PTPRJ: variants seen among roughly 807,000 people sequenced by gnomAD.
PTPRJ encodes the protein protein tyrosine phosphatase receptor type J, also known as receptor-type tyrosine-protein phosphatase eta.
A neutral mutation model predicts 141.3 loss-of-function variants in PTPRJ; 129 were observed. The ratio of observed to expected loss-of-function variants is 0.91; its 90% CI spans 0.79 to 1.06. PTPRJ has a LOEUF of 1.06. PTPRJ is among the 50% of genes least tolerant of loss of function. The pLI is 0.00. For synonymous variants in PTPRJ, 610 were observed against 640.5 expected (o/e 0.95, Z 0.72); for missense variants, 1,601 against 1,679.7 (o/e 0.95, Z 0.82).
intron 8 of PTPRJ, chr11:48,131,581 C>T (rs1856985363): frequency 5.3e-6 from 4 of 756,130 alleles, no homozygotes; most frequent in Non-Finnish European, 9.8e-6. Context: ...GCCCCTATGC[C>T]AAATTTGGCT....
chr11:47,985,569 C>T (rs974985518), intron 1 of PTPRJ, among the ~76,000 whole-genome samples: 1 of 152,306 alleles, frequency 6.6e-6, no homozygotes, highest in Admixed American at 6.5e-5. Context: ...TACTACGTGG[C>T]GGAGCCAGGG....
At chr11:48,070,445 G>A (rs1158900495) in intron 1 of PTPRJ, among the ~76,000 whole-genome samples, 1 of 149,932 alleles carries the variant, frequency 6.7e-6, no homozygotes, top group Admixed American at 6.7e-5. Context: ...AGGTTGCAGT[G>A]AGCTGAGATT....
chr11:48,072,694 G>A lies in PTPRJ; in HGVS notation c.97-37364G>A, dbSNP rs117470887. 3.4e-3 allele frequency among the ~76,000 whole-genome samples: 513 copies of A among 152,254 alleles called. 18 individuals are homozygous for A. The East Asian group carries it at 0.086, about 26-fold the overall frequency. The stretch of plus-strand genomic sequence containing the variant: ...TCATTGGCTTTTGTCCATTCCCAAC[G>A]CCAGTGATCTGTTTTTCTTGACTCT... On this transcript the variant is annotated intron_variant, in intron 1 of 24. Coordinates refer to ENST00000418331, the MANE Select transcript of PTPRJ (RefSeq NM_002843.4).
intron 1 of PTPRJ, among the ~76,000 whole-genome samples, chr11:47,987,417 G>A (rs1854079600): frequency 6.6e-6 from 1 of 152,192 alleles, no homozygotes; most frequent in African/African-American, 2.4e-5. Context: ...TTGTAAAGAT[G>A]ATCAGTTTCT....
intron 1 of PTPRJ, among the ~76,000 whole-genome samples, chr11:48,059,695 C>T (rs1854866490): frequency 6.6e-6 from 1 of 152,196 alleles, no homozygotes; most frequent in Non-Finnish European, 1.5e-5. Flanking sequence ...TGCACACTTC[C>T]ATAGGTCTTA....
At chr11:48,073,360 T>C (rs1385878221) in intron 1 of PTPRJ, among the ~76,000 whole-genome samples, 3 of 152,226 alleles carry the variant, frequency 2.0e-5, no homozygotes, top group Non-Finnish European at 4.4e-5. Flanking sequence ...TGACCTTGTT[T>C]AGCAGATGCT....
intron 7 of PTPRJ, among the ~76,000 whole-genome samples, chr11:48,129,208 A>G (rs1054128258): frequency 1.2e-4 from 19 of 152,226 alleles, no homozygotes; most frequent in African/African-American, 7.2e-5. Context: ...GAGCTGGTGT[A>G]TTAGTTTGCT....
chr11:48,029,758 T>C (rs1853930752), intron 1 of PTPRJ, among the ~76,000 whole-genome samples: 1 of 152,222 alleles, frequency 6.6e-6, no homozygotes, highest in Non-Finnish European at 1.5e-5. Context: ...CTGAATCCCT[T>C]TCCCGCCTCA....
At chr11:48,061,175 T>A (rs929624447) in intron 1 of PTPRJ, among the ~76,000 whole-genome samples, 1 of 152,092 alleles carries the variant, frequency 6.6e-6, no homozygotes, top group Non-Finnish European at 1.5e-5. Flanking sequence ...AGGATTTCAC[T>A]ATGTTGGCCA....
At chr11:48,038,986 C>G (rs953561511) in intron 1 of PTPRJ, among the ~76,000 whole-genome samples, 1 of 151,118 alleles carries the variant, frequency 6.6e-6, no homozygotes, top group Non-Finnish European at 1.5e-5. Flanking sequence ...CCCGTCTCTA[C>G]TAAAAATACA....
chr11:48,087,564 G>A (rs1440786046), intron 1 of PTPRJ, among the ~76,000 whole-genome samples: 1 of 152,154 alleles, frequency 6.6e-6, no homozygotes, highest in Non-Finnish European at 1.5e-5. Context: ...GGGATCTTAG[G>A]AATTAGTTCA....
At chr11:48,009,071 T>TC (rs1232814514) in intron 1 of PTPRJ, among the ~76,000 whole-genome samples, 1 of 152,136 alleles carries the variant, frequency 6.6e-6, no homozygotes, top group Non-Finnish European at 1.5e-5. Flanking sequence ...TTGCAGGGTT[T>TC]CCCCCTGTGA....
chr11:48,074,210 A>G (rs1438576424), intron 1 of PTPRJ, among the ~76,000 whole-genome samples: 1 of 151,676 alleles, frequency 6.6e-6, no homozygotes, highest in Non-Finnish European at 1.5e-5. Context: ...TTTAAAAACT[A>G]AAAAAAGAAA....
chr11:48,075,532 T>C (rs906484711), intron 1 of PTPRJ, among the ~76,000 whole-genome samples: 1 of 152,162 alleles, frequency 6.6e-6, no homozygotes, highest in African/African-American at 2.4e-5. Flanking sequence ...AAGTGATTCT[T>C]CTTCCTTAGC....
chr11:48,077,722 C>T (rs563233909), intron 1 of PTPRJ, among the ~76,000 whole-genome samples: 5 of 152,188 alleles, frequency 3.3e-5, no homozygotes, highest in Non-Finnish European at 7.3e-5. Context: ...GAAATCCTGA[C>T]CTCATAATGG....
chr11:48,164,168 A>G (rs188727009), intron 23 of PTPRJ, among the ~76,000 whole-genome samples: 36 of 152,220 alleles, frequency 2.4e-4, no homozygotes, highest in African/African-American at 8.7e-4. Flanking sequence ...GTGGCATCTG[A>G]CTCAAATGTG....
chr11:48,098,469 G>A (rs1334005708), intron 1 of PTPRJ, among the ~76,000 whole-genome samples: 1 of 151,978 alleles, frequency 6.6e-6, no homozygotes, highest in Non-Finnish European at 1.5e-5. Context: ...TGACCACCAG[G>A]CACCATCCTC....
intron 1 of PTPRJ, among the ~76,000 whole-genome samples, chr11:48,055,870 C>T (rs1402327217): frequency 6.6e-6 from 1 of 152,230 alleles, no homozygotes; most frequent in Admixed American, 6.5e-5. Flanking sequence ...CGATGCATTT[C>T]AACCCAAAGC....
chr11:48,142,776 T>G (rs1432958057), intron 11 of PTPRJ, 143 bp from the exon 12 acceptor site: 2 of 1,029,368 alleles, frequency 1.9e-6, no homozygotes, highest in Admixed American at 5.9e-5. Context: ...TGCCTTTTGC[T>G]TCTGGATTTG....
Sources: allele counts gnomAD v4.1 joint callset (sites outside exome capture counted in the v4.1 genomes callset), GRCh38; gene constraint gnomAD v4.1.1; transcripts MANE v1.5; gene names NCBI Gene and HGNC (gene_info 2026-07-23, HGNC 2026-07-21).